The following TSHZ2 variants were observed in gnomAD, a reference collection of about 807,000 sequenced individuals.
The protein encoded by TSHZ2 is teashirt zinc finger homeobox 2.
In TSHZ2, 21 loss-of-function variants were observed where a neutral mutation model predicts 74.4. The observed-to-expected ratio is 0.28, with a 90% CI of 0.20 to 0.41. TSHZ2 has a LOEUF of 0.41. Ranked by LOEUF, TSHZ2 falls within the 10% of genes least tolerant of loss-of-function variation. The pLI, the probability that TSHZ2 is intolerant of heterozygous loss-of-function variation, is 1.00. For synonymous variants in TSHZ2, 540 were observed against 515.3 expected (o/e 1.05, Z -0.65); for missense variants, 1,244 against 1,293.5 (o/e 0.96, Z 0.59).
chr20:53,061,195 A>C (rs1321368262), intron 1 of TSHZ2, among the ~76,000 whole-genome samples: 4 of 152,218 alleles, frequency 2.6e-5, no homozygotes, highest in Non-Finnish European at 4.4e-5. Context: ...GCCAGAAATG[A>C]CAAGAAAATA....
At chr20:53,460,955 A>G (rs1568928303) in intron 2 of TSHZ2, among the ~76,000 whole-genome samples, 1 of 152,204 alleles carries the variant, frequency 6.6e-6, no homozygotes, top group Non-Finnish European at 1.5e-5. Flanking sequence ...GCTGTCAGAC[A>G]GGGACATTTA....
intron 2 of TSHZ2, among the ~76,000 whole-genome samples, chr20:53,297,065 T>C (rs1482229232): frequency 6.6e-6 from 1 of 152,220 alleles, no homozygotes; most frequent in Non-Finnish European, 1.5e-5. Flanking sequence ...CCTGGTGATC[T>C]GGCCATGCTG....
chr20:53,253,918 A>T lies in TSHZ2; in HGVS notation c.460A>T (p.Asn154Tyr). 1 of 1,614,146 alleles carries T rather than the reference A, an allele frequency of 6.2e-7. No homozygotes were observed. The highest frequency in any genetic ancestry group is 8.5e-7 in the Non-Finnish European group (1 of 1,180,026). ...GFKLSNSERRNCDTRNGSNKS... is the reference protein window; with the variant it reads ...GFKLSNSERRYCDTRNGSNKS... ...CAAGCTGTCCAATAGTGAGAGGAGG[A>T]ACTGTGACACCCGAAACGGCAGCAA... The change falls in exon 2 of 3, where the codon AAC (asparagine) becomes TAC (tyrosine). Residue 154 changes from asparagine to tyrosine, a missense_variant. Physicochemically the swap from Asn to Tyr is moderately radical, Grantham distance 143 (BLOSUM62 -2). This residue lies in a region of TSHZ2 where 470 missense variants were observed against 456.5 expected (regional missense o/e 1.03). Transcript: ENST00000371497.
chr20:53,357,471 C>G (rs1180804253), intron 2 of TSHZ2, among the ~76,000 whole-genome samples: 1 of 151,640 alleles, frequency 6.6e-6, no homozygotes, highest in Non-Finnish European at 1.5e-5. Context: ...TCAAGACCAG[C>G]CTGGGCAACT....
At chr20:53,073,178 A>ATCCCTCCATCCATCCC in intron 1 of TSHZ2, among the ~76,000 whole-genome samples, 1 of 117,858 alleles carries the variant, frequency 8.5e-6, no homozygotes, top group South Asian at 2.8e-4. Flanking sequence ...TCATCCATCT[A>ATCCCTCCATCCATCCC]TCCCTCCATC....
At chr20:52,988,894 GA>G (rs1056764802) in intron 1 of TSHZ2, among the ~76,000 whole-genome samples, 6 of 152,052 alleles carry the variant, frequency 3.9e-5, no homozygotes, top group Admixed American at 6.5e-5. Context: ...TAGGCTCCAG[GA>G]CTCTTCCTGG....
chr20:53,256,371 C>T lies in TSHZ2; in HGVS notation c.2913C>T (p.Ile971=), dbSNP rs2123729275. The T allele has an allele frequency of 6.2e-7, 1 of 1,613,142 alleles. No individual in the cohort carries two copies. Among genetic ancestry groups the T allele is most frequent in the Non-Finnish European group, 8.5e-7 (1 of 1,179,210 alleles). ...VDQQSKVEQE[I]SRVSSAQRSP... is the part of the protein sequence containing the mutation. ...AGCAAAGCAAGGTGGAGCAAGAGAT[C>T]TCCCGGGTATCGTCGGCTCAGAGGT... The change falls in exon 2 of 3, where the codon ATC becomes ATT. Residue 971 remains isoleucine (I), a synonymous_variant. Coordinates refer to ENST00000371497, the MANE Select transcript of TSHZ2 (RefSeq NM_173485.6). The surrounding 1 kb of genome is among the most constrained non-coding windows in gnomAD (Gnocchi z 4.3).
In TSHZ2 at chr20:53,188,188, G is replaced by A. The variant is rs536464186; in HGVS notation, c.41-65311G>A. Among the ~76,000 whole-genome samples the A allele has an allele frequency of 2.6e-5, 4 of 152,264 alleles. No individual in the cohort carries two copies. The South Asian group carries it at 8.3e-4, about 32-fold the overall frequency. ...CAATGCGACTTTGCATGGCGGCAAT[G>A]ACTATCATTTCTCTCTGCCTTCTTT... On this transcript the variant is annotated intron_variant, in intron 1 of 2. Coordinates refer to ENST00000371497, the MANE Select transcript of TSHZ2 (RefSeq NM_173485.6).
At chr20:53,276,507 C>G (rs1297945465) in intron 2 of TSHZ2, among the ~76,000 whole-genome samples, 1 of 152,190 alleles carries the variant, frequency 6.6e-6, no homozygotes, top group Non-Finnish European at 1.5e-5. Context: ...CCACTACTCA[C>G]TAGCAGTAAG....
At chr20:52,997,553 TC>T (rs1469094139) in intron 1 of TSHZ2, among the ~76,000 whole-genome samples, 2 of 151,116 alleles carry the variant, frequency 1.3e-5, no homozygotes, top group Admixed American at 1.3e-4. Context: ...TATTTTCTTT[TC>T]AGCAAACCTA....
chr20:53,311,842 G>T (rs1023743092), intron 2 of TSHZ2, among the ~76,000 whole-genome samples: 1 of 152,184 alleles, frequency 6.6e-6, no homozygotes, highest in Non-Finnish European at 1.5e-5. Flanking sequence ...AACACTTTGG[G>T]AGGCGGAGGT....
At chr20:53,128,452 A>G (rs942061639) in intron 1 of TSHZ2, among the ~76,000 whole-genome samples, 7 of 152,080 alleles carry the variant, frequency 4.6e-5, no homozygotes, top group Non-Finnish European at 1.0e-4. Context: ...TTTTGTTTAT[A>G]TTTTAAGACA....
Position 53,254,294 on chromosome 20 carries a change from T to G in TSHZ2, c.836T>G (p.Phe279Cys), listed in dbSNP as rs1990408450. 2 of 1,614,026 alleles carry G rather than the reference T, an allele frequency of 1.2e-6. No individual in the cohort carries two copies. Among genetic ancestry groups the G allele is most frequent in the Non-Finnish European group, 1.7e-6 (2 of 1,180,024 alleles). ...GCTCAAAAGGTTCTGAAATGTATGT[T>G]TTGTGGCGACTCCTTTGATTCCCTC... ...EDAQKVLKCM[F>C]CGDSFDSLQD... Residue 279 changes from phenylalanine (F) to cysteine (C), a missense_variant, in exon 2 of 3, where the codon TTT becomes TGT. Phe to Cys is a radical substitution (Grantham distance 205, BLOSUM62 -2). Transcript: ENST00000371497.
At chr20:53,416,336 T>C (rs964738010) in intron 2 of TSHZ2, among the ~76,000 whole-genome samples, 14 of 152,230 alleles carry the variant, frequency 9.2e-5, no homozygotes, top group Non-Finnish European at 1.5e-4. Flanking sequence ...CCAGAGGCAC[T>C]GGAAATAATA....
intron 2 of TSHZ2, among the ~76,000 whole-genome samples, chr20:53,318,251 G>T (rs1237098143): frequency 6.6e-6 from 1 of 152,290 alleles, no homozygotes; most frequent in African/African-American, 2.4e-5. Context: ...GATCCTTCTG[G>T]TAGGAGAGGG....
intron 1 of TSHZ2, among the ~76,000 whole-genome samples, chr20:53,053,892 A>G (rs1294494644): frequency 6.6e-6 from 1 of 152,160 alleles, no homozygotes; most frequent in Non-Finnish European, 1.5e-5. Context: ...TTGCCATGAG[A>G]GGAAGGGGCT....
intron 1 of TSHZ2, among the ~76,000 whole-genome samples, chr20:53,226,151 CACACACACAT>C (rs572696462): frequency 1.8e-3 from 222 of 123,428 alleles, no homozygotes; most frequent in African/African-American, 6.7e-3. Context: ...CACACACACA[CACACACACAT>C]GCACACAAAC....
intron 1 of TSHZ2, among the ~76,000 whole-genome samples, chr20:53,161,977 G>A (rs1308049445): frequency 1.3e-5 from 2 of 152,134 alleles, no homozygotes; most frequent in Admixed American, 6.6e-5. Flanking sequence ...AGTAAAGTGA[G>A]GCTTAGGGAG....
At chr20:53,345,644 T>C (rs928960743) in intron 2 of TSHZ2, among the ~76,000 whole-genome samples, 1 of 151,918 alleles carries the variant, frequency 6.6e-6, no homozygotes, top group Admixed American at 6.6e-5. Context: ...GTTTGCCGAG[T>C]GCACATTTGT....
Sources: gnomAD v4.1 joint callset for allele counts (sites outside exome capture counted in the v4.1 genomes callset) on GRCh38, gnomAD v4.1.1 for gene constraint, gnomAD v4.1.1 regional missense constraint, Gnocchi (gnomAD v3.1) non-coding constraint, MANE v1.5 for transcripts, NCBI Gene and HGNC (gene_info 2026-07-23, HGNC 2026-07-21) for gene names.